Variants in RIMBP2 observed in about 807,000 individuals in gnomAD.
RIMBP2 encodes RIMS-binding protein 2.
In RIMBP2, 48 loss-of-function variants were observed where a neutral mutation model predicts 118.6. The ratio of observed to expected loss-of-function variants is 0.40; its 90% CI spans 0.32 to 0.51. The LOEUF (loss-of-function observed/expected upper bound fraction) is 0.51. RIMBP2 is among the 20% of genes least tolerant of loss of function. RIMBP2 has a pLI of 0.41. For synonymous variants in RIMBP2, 762 were observed against 742.9 expected (o/e 1.03, Z -0.42); for missense variants, 1,551 against 1,768.3 (o/e 0.88, Z 2.20).
At position 130,437,057 on chromosome 12, in the gene RIMBP2, G is replaced by T; in HGVS notation, c.1891C>A (p.His631Asn). Residue 631 changes from histidine (H) to asparagine (N), a missense_variant, in exon 13 of 23, where the codon CAC becomes AAC. His to Asn is a moderately conservative substitution (Grantham distance 68, BLOSUM62 1). Around this residue, in one of 5 missense-constraint regions of RIMBP2, gnomAD observed 1,038 missense variants for 1,125.1 expected, o/e 0.92. Coordinates refer to ENST00000690449, the MANE Select transcript of RIMBP2 (RefSeq NM_001393629.1). ...SSGVPETKDE[H>N]LGPHARMDEA... ...TCCATCCTGGCGTGGGGACCCAGGT[G>T]CTCGTCTTTGGTTTCGGGGACTCCA... 6.4e-7 allele frequency: 1 copy of T among 1,573,806 alleles called. No individual in the cohort carries two copies. The highest frequency in any genetic ancestry group is 8.6e-7 in the Non-Finnish European group (1 of 1,156,940).
intron 9 of RIMBP2, among the ~76,000 whole-genome samples, chr12:130,448,243 C>A (rs2078703499): frequency 6.6e-6 from 1 of 152,192 alleles, no homozygotes; most frequent in Non-Finnish European, 1.5e-5. Context: ...GATGTGCTGG[C>A]TCGTCACGCC....
chr12:130,498,651 A>AAAAC, intron 4 of RIMBP2, among the ~76,000 whole-genome samples: 1 of 149,858 alleles, frequency 6.7e-6, no homozygotes. Context: ...AAAAAAAAAA[A>AAAAC]CACTCAGTGC....
intron 1 of RIMBP2, among the ~76,000 whole-genome samples, chr12:130,661,229 G>C (rs1180278867): frequency 6.6e-6 from 1 of 152,222 alleles, no homozygotes; most frequent in African/African-American, 2.4e-5. Flanking sequence ...GAGTCCAGGT[G>C]ATCTGGGTGC....
At chr12:130,705,067 C>T (rs952802348) in intron 1 of RIMBP2, among the ~76,000 whole-genome samples, 2 of 152,336 alleles carry the variant, frequency 1.3e-5, no homozygotes, top group Admixed American at 6.5e-5. Flanking sequence ...TCCAAAGCTG[C>T]GTGAGGATCC....
At chr12:130,462,354 A>G (rs2080071643) in intron 6 of RIMBP2, among the ~76,000 whole-genome samples, 1 of 152,184 alleles carries the variant, frequency 6.6e-6, no homozygotes, top group South Asian at 2.1e-4. Flanking sequence ...AGGGGTGGCC[A>G]GTGCAGATAC....
In RIMBP2 at chr12:130,646,314, CTT is replaced by C. The variant is rs1429612146; in HGVS notation, c.-351-17860_-351-17859del. Among the ~76,000 whole-genome samples, 14 of 114,902 alleles carry C rather than the reference CTT, an allele frequency of 1.2e-4. 4 individuals carry two copies. The highest frequency in any genetic ancestry group is 3.7e-4 in the African/African-American group (12 of 32,056). The allele number at this position is 114,902 out of a possible 152,430, so 75.4% of individuals were successfully genotyped here. ...ACCTGCCTCTCCACCTCCCTCACCACTTCCCTCTCCACCTGCCTCACCACCTC... is the reference window on the plus strand; with the variant it reads ...ACCTGCCTCTCCACCTCCCTCACCACCCCTCTCCACCTGCCTCACCACCTC... On this transcript the variant is annotated intron_variant, in intron 1 of 22. Coordinates refer to ENST00000690449, the MANE Select transcript of RIMBP2 (RefSeq NM_001393629.1).
At chr12:130,650,968 A>T (rs1408997926) in intron 1 of RIMBP2, among the ~76,000 whole-genome samples, 5 of 149,190 alleles carry the variant, frequency 3.4e-5, no homozygotes, top group African/African-American at 7.3e-5. Flanking sequence ...TAAAAAAAAA[A>T]AAAAAAAAGA....
intron 1 of RIMBP2, among the ~76,000 whole-genome samples, chr12:130,676,362 C>T (rs2064467604): frequency 6.6e-6 from 1 of 150,466 alleles, no homozygotes; most frequent in Non-Finnish European, 1.5e-5. Flanking sequence ...CGGTTGCTCA[C>T]GCCTGTAACA....
At chr12:130,430,004 T>G (rs550391448) in intron 14 of RIMBP2, 1 of 152,214 alleles carries the variant, frequency 6.6e-6, no homozygotes, top group Non-Finnish European at 1.5e-5. Context: ...AGCAGTGAGC[T>G]AGGGGTCAAC....
intron 19 of RIMBP2, among the ~76,000 whole-genome samples, chr12:130,410,659 A>G (rs2075639384): frequency 6.6e-6 from 1 of 152,226 alleles, no homozygotes; most frequent in Non-Finnish European, 1.5e-5. Flanking sequence ...GTCCAAAATC[A>G]GTGGACTCCA....
At chr12:130,610,551 C>CTTT (rs386378269) in intron 2 of RIMBP2, among the ~76,000 whole-genome samples, 1,002 of 81,554 alleles carry the variant, frequency 0.012, 207 homozygotes, top group Non-Finnish European at 0.014. Flanking sequence ...AATTTTCCTG[C>CTTT]TTTTTTTTTT....
Position 130,470,802 on chromosome 12 carries a change from G to A in RIMBP2, c.103-59C>T, listed in dbSNP as rs190879645. 2.5e-4 allele frequency: 249 copies of A among 1,013,888 alleles called. 1 individual carries two copies. In the African/African-American group the frequency reaches 3.1e-3, roughly 13 times the overall value. The allele number at this position is 1,013,888 out of a possible 1,614,324, so 62.8% of individuals were successfully genotyped here. ...TGTCCAAAGGGGAAAGAAGACAATC[G>A]GATCAATGTCTGAATCACTGGGGGT... On this transcript the variant is annotated intron_variant, in intron 5 of 22. Coordinates refer to ENST00000690449, the MANE Select transcript of RIMBP2 (RefSeq NM_001393629.1).
chr12:130,559,509 G>T (rs1351342272), intron 2 of RIMBP2, among the ~76,000 whole-genome samples: 1 of 152,080 alleles, frequency 6.6e-6, no homozygotes, highest in Non-Finnish European at 1.5e-5. Flanking sequence ...TCTTTTCATG[G>T]CTGAATAGTA....
Position 130,456,577 on chromosome 12 carries a change from C to T in RIMBP2, c.277G>A (p.Val93Met), listed in dbSNP as rs369201201. ...GKIDLLGGSAVAPLDISTAPS... is the reference protein window; with the variant it reads ...GKIDLLGGSAMAPLDISTAPS... ...GCCGTGGAGATGTCCAGGGGGGCCA[C>T]CGCGCTGCCACCCAGCAGGTCAATC... Residue 93 changes from valine to methionine, a missense_variant, in exon 7 of 23, where the codon GTG (valine) becomes ATG (methionine). By Grantham distance (21) the Val-to-Met change is conservative. Transcript: ENST00000690449. The T allele has an allele frequency of 5.0e-6, 8 of 1,613,320 alleles. No homozygotes were observed. Among genetic ancestry groups the T allele is most frequent in the African/African-American group, 2.7e-5 (2 of 74,908 alleles).
intron 1 of RIMBP2, among the ~76,000 whole-genome samples, chr12:130,673,854 A>G (rs1321407126): frequency 6.6e-6 from 1 of 151,996 alleles, no homozygotes; most frequent in Non-Finnish European, 1.5e-5. Context: ...TACGCCTATA[A>G]TCCCAGCCCT....
intron 2 of RIMBP2, among the ~76,000 whole-genome samples, chr12:130,627,813 G>A (rs1036842920): frequency 1.3e-5 from 2 of 152,058 alleles, no homozygotes; most frequent in Non-Finnish European, 2.9e-5. Context: ...TACCATCCTG[G>A]TGCAGGCCAC....
At chr12:130,402,288 A>G (rs1178898403) in intron 21 of RIMBP2, among the ~76,000 whole-genome samples, 1 of 152,074 alleles carries the variant, frequency 6.6e-6, no homozygotes, top group Non-Finnish European at 1.5e-5. Context: ...TTTTCCATTC[A>G]ACGTTGTTCT....
intron 4 of RIMBP2, among the ~76,000 whole-genome samples, chr12:130,498,045 CCAGAGAAGCACCTCTG>C (rs1274847372): frequency 1.3e-5 from 2 of 152,230 alleles, no homozygotes; most frequent in African/African-American, 4.8e-5. Flanking sequence ...CCTGTGAGCC[CCAGAGAAGCACCTCTG>C]CAGAGAAGCA....
At chr12:130,551,984 A>G (rs142957495) in intron 2 of RIMBP2, among the ~76,000 whole-genome samples, 159 of 149,450 alleles carry the variant, frequency 1.1e-3, no homozygotes, top group African/African-American at 3.8e-3. Context: ...TTCAGATCCC[A>G]TGTTAACTAC....
Sources: gnomAD v4.1 joint callset for allele counts (sites outside exome capture counted in the v4.1 genomes callset) on GRCh38, gnomAD v4.1.1 for gene constraint, gnomAD v4.1.1 regional missense constraint, MANE v1.5 for transcripts, NCBI Gene and HGNC (gene_info 2026-07-23, HGNC 2026-07-21) for gene names.